Variants in MAPK10 observed in about 807,000 individuals in gnomAD.
MAPK10 encodes mitogen-activated protein kinase 10, also known as JNK3 alpha protein kinase.
MAPK10 carries 25 observed loss-of-function variants against 59.3 expected under a neutral mutation model. The observed-to-expected ratio is 0.42, with a 90% confidence interval of 0.31 to 0.59. The LOEUF is 0.59. Ranked by LOEUF, MAPK10 falls within the 20% of genes least tolerant of loss-of-function variation. The pLI is 0.15. For synonymous variants in MAPK10, 190 were observed against 200.5 expected, an observed-to-expected ratio of 0.95 and a Z score of 0.44; for missense variants, 351 against 568.9, an observed-to-expected ratio of 0.62 and a Z score of 3.90.
chr4:86,182,830 T>C (rs895517749), intron 3 of MAPK10, among the ~76,000 whole-genome samples: 1 of 152,158 alleles, frequency 6.6e-6, no homozygotes, highest in African/African-American at 2.4e-5. Flanking sequence ...AAAAACGTTA[T>C]ATGCATGCAT....
intron 9 of MAPK10, among the ~76,000 whole-genome samples, chr4:86,082,763 C>T (rs2050924066): frequency 6.6e-6 from 1 of 152,158 alleles, no homozygotes; most frequent in Non-Finnish European, 1.5e-5. Flanking sequence ...CTGCTCTCTA[C>T]TCAGGGGGTT....
intron 2 of MAPK10, among the ~76,000 whole-genome samples, chr4:86,272,609 C>T (rs75103386): frequency 6.6e-6 from 1 of 151,980 alleles, no homozygotes; most frequent in East Asian, 1.9e-4. Flanking sequence ...AAAATCAATT[C>T]TTTTCATTTA....
At chr4:86,451,883 C>T (rs1339061423) in intron 1 of MAPK10, among the ~76,000 whole-genome samples, 6 of 152,038 alleles carry the variant, frequency 3.9e-5, no homozygotes, top group African/African-American at 4.8e-5. Context: ...GATACCAGCT[C>T]GGGGGATGAC....
intron 2 of MAPK10, among the ~76,000 whole-genome samples, chr4:86,213,645 C>G (rs2086502137): frequency 6.6e-6 from 1 of 151,972 alleles, no homozygotes; most frequent in Non-Finnish European, 1.5e-5. Flanking sequence ...AACACAAAAT[C>G]TACTAATACA....
chr4:86,405,408 T>C (rs546243388), intron 1 of MAPK10, among the ~76,000 whole-genome samples: 201 of 152,348 alleles, frequency 1.3e-3, no homozygotes, highest in African/African-American at 4.8e-3. Flanking sequence ...TGAACATTAA[T>C]ATCTCCAGTA....
intron 2 of MAPK10, among the ~76,000 whole-genome samples, chr4:86,205,904 T>C (rs1235963408): frequency 2.0e-5 from 3 of 151,994 alleles, no homozygotes; most frequent in African/African-American, 7.2e-5. Context: ...CCCTCTCAGA[T>C]TTAATAAAAT....
chr4:86,537,859 T>C (rs1051942737), intron 1 of MAPK10, among the ~76,000 whole-genome samples: 3 of 152,226 alleles, frequency 2.0e-5, no homozygotes, highest in Admixed American at 6.5e-5. Flanking sequence ...TTTTTCTTTA[T>C]GGTTTGTGCT....
intron 1 of MAPK10, among the ~76,000 whole-genome samples, chr4:86,436,461 C>T (rs1466388321): frequency 6.6e-6 from 1 of 152,150 alleles, no homozygotes; most frequent in African/African-American, 2.4e-5. Context: ...GACAAGACAG[C>T]AAACACATGG....
intron 2 of MAPK10, among the ~76,000 whole-genome samples, chr4:86,217,075 A>G (rs960236474): frequency 6.6e-6 from 1 of 152,134 alleles, no homozygotes; most frequent in African/African-American, 2.4e-5. Context: ...TATACATCTC[A>G]TCCATGAGGC....
chr4:86,060,217 T>C (rs964940018), intron 11 of MAPK10, among the ~76,000 whole-genome samples: 2 of 152,210 alleles, frequency 1.3e-5, no homozygotes, highest in African/African-American at 4.8e-5. Context: ...ATGTTTGTAC[T>C]AGGCTTCTTC....
chr4:86,303,724 C>T (rs1185570524), intron 2 of MAPK10, among the ~76,000 whole-genome samples: 1 of 152,140 alleles, frequency 6.6e-6, no homozygotes, highest in Non-Finnish European at 1.5e-5. Context: ...GAAAACATTG[C>T]TCTCATTCAT....
At chr4:86,501,415 G>C (rs1755314615) in intron 1 of MAPK10, among the ~76,000 whole-genome samples, 1 of 151,950 alleles carries the variant, frequency 6.6e-6, no homozygotes, top group Admixed American at 6.6e-5. Flanking sequence ...AGTCTACAAT[G>C]TAAAACTAAA....
chr4:86,364,623 T>C (rs894465965), upstream of MAPK10, among the ~76,000 whole-genome samples: 1 of 152,208 alleles, frequency 6.6e-6, no homozygotes, highest in African/African-American at 2.4e-5. Context: ...AAAATTTGAT[T>C]ATGCAATACA....
chr4:86,133,083 A>G (rs1016997859), intron 4 of MAPK10, among the ~76,000 whole-genome samples: 1 of 152,216 alleles, frequency 6.6e-6, no homozygotes, highest in Non-Finnish European at 1.5e-5. Context: ...AAACATGTAT[A>G]TGACATTATC....
intron 1 of MAPK10, among the ~76,000 whole-genome samples, chr4:86,477,760 C>G (rs1270811879): frequency 6.6e-6 from 1 of 152,196 alleles, no homozygotes; most frequent in Non-Finnish European, 1.5e-5. Flanking sequence ...GCCTATCCAC[C>G]CCATGGTGCC....
intron 4 of MAPK10, among the ~76,000 whole-genome samples, chr4:86,114,690 A>G (rs1461133500): frequency 6.6e-6 from 1 of 152,238 alleles, no homozygotes; most frequent in Non-Finnish European, 1.5e-5. Flanking sequence ...TTAAAGAACC[A>G]GTCTGACTAC....
intron 5 of MAPK10, among the ~76,000 whole-genome samples, chr4:86,103,899 T>G (rs370329920): frequency 1.3e-5 from 2 of 152,050 alleles, no homozygotes; most frequent in South Asian, 4.1e-4. Context: ...ATAAGCAAAT[T>G]TTGTAAAAAC....
chr4:86,087,603 T>C (rs192612675), intron 9 of MAPK10, among the ~76,000 whole-genome samples: 462 of 123,102 alleles, frequency 3.8e-3, no homozygotes, highest in Middle Eastern at 7.8e-3. Flanking sequence ...AAAGACTTTT[T>C]AAAATGTGTG....
intron 3 of MAPK10, among the ~76,000 whole-genome samples, chr4:86,176,263 C>T (rs1205443446): frequency 6.6e-6 from 1 of 152,052 alleles, no homozygotes; most frequent in Non-Finnish European, 1.5e-5. Flanking sequence ...GAATGGAATC[C>T]AAAAGTTGAT....
Sources: gnomAD v4.1 joint callset for allele counts (sites outside exome capture counted in the v4.1 genomes callset) on GRCh38, gnomAD v4.1.1 for gene constraint, MANE v1.5 for transcripts, NCBI Gene and HGNC (gene_info 2026-07-23, HGNC 2026-07-21) for gene names.